Variants in DNPEP observed in about 807,000 individuals in gnomAD.
DNPEP encodes the protein aspartyl aminopeptidase.
A neutral mutation model predicts 59.1 loss-of-function variants in DNPEP; 46 were observed. The ratio of observed to expected loss-of-function variants is 0.78; its 90% CI spans 0.61 to 0.99. The LOEUF (loss-of-function observed/expected upper bound fraction) is 0.99, where lower values mean the gene tolerates loss of function less well. DNPEP is among the 50% of genes least tolerant of loss of function. The pLI is 0.00. For missense variants in DNPEP, 617 were observed against 649.9 expected (o/e 0.95, Z 0.55); for synonymous variants, 229 against 242.2 (o/e 0.95, Z 0.50).
At chr2:219,394,960 GTT>G (rs912982371) in intron 1 of DNPEP, among the ~76,000 whole-genome samples, 1 of 144,368 alleles carries the variant, frequency 6.9e-6, no homozygotes, top group Non-Finnish European at 1.5e-5. Context: ...ACAAGACAAG[GTT>G]TTTTTTTTTT....
chr2:219,388,006 C>T, upstream of DNPEP: 3 of 1,194,804 alleles, frequency 2.5e-6, no homozygotes, highest in Non-Finnish European at 3.3e-6. Context: ...AGCCCCGCCC[C>T]TCGGCGGGCT....
Position 219,382,023 on chromosome 2 carries a change from G to T in DNPEP, c.1053C>A (p.Phe351Leu), listed in dbSNP as rs1269844281. The T allele has an allele frequency of 6.2e-7, 1 of 1,614,206 alleles. No homozygotes were observed. The highest frequency in any genetic ancestry group is 8.5e-7 in the Non-Finnish European group (1 of 1,180,046). Residue 351 changes from phenylalanine to leucine, a missense_variant, in exon 11 of 15, where the codon TTC (phenylalanine) becomes TTA (leucine). Coordinates refer to ENST00000273075, the MANE Select transcript of DNPEP (RefSeq NM_012100.4). ...CATGGGCCATGTCTGCGCTGATCAT[G>T]AAGGACTTGGGTATGGCTTCCTCGA... ...TAFEEAIPKS[F>L]MISADMAHAV...
At chr2:219,385,020 C>G in intron 8 of DNPEP, 1 of 180,114 alleles carries the variant, frequency 5.6e-6, no homozygotes, top group Non-Finnish European at 1.2e-5. Flanking sequence ...AAAACAGAAA[C>G]TTAGTACGTG....
intron 13 of DNPEP, among the ~76,000 whole-genome samples, chr2:219,376,288 G>C (rs1192531412): frequency 6.6e-6 from 1 of 152,070 alleles, no homozygotes; most frequent in African/African-American, 2.4e-5. Context: ...AGGAGTTCAA[G>C]ACCAGCCTGG....
chr2:219,398,642 T>TC (rs773742632), intron 1 of DNPEP, among the ~76,000 whole-genome samples: 7 of 150,532 alleles, frequency 4.7e-5, no homozygotes, highest in Non-Finnish European at 7.4e-5. Flanking sequence ...AGAGCAAGAC[T>TC]CCATCTCAAA....
chr2:219,373,003 A>ACC lies in DNPEP; in HGVS notation c.*1287_*1288dup. 6.6e-6 allele frequency among the ~76,000 whole-genome samples: 1 copy of ACC among 152,236 alleles called. No homozygotes were observed. Among genetic ancestry groups the ACC allele is most frequent in the East Asian group, 1.9e-4 (1 of 5,186 alleles). ...TAGGTATCAAAAAGATTGGAAGGAC[A>ACC]CCAGTTTGCACAATTATTTTAGTGG... On this transcript the variant is annotated 3_prime_UTR_variant, in exon 15 of 15. Transcript: ENST00000273075.
intron 1 of DNPEP, 104 bp from the exon 2 acceptor site, chr2:219,387,267 A>C: frequency 4.0e-6 from 6 of 1,490,336 alleles, no homozygotes; most frequent in Non-Finnish European, 5.4e-6. Flanking sequence ...TGACCACTCT[A>C]AGGCACAGAC....
At chr2:219,399,738 G>T in intron 1 of DNPEP, 1 of 734,398 alleles carries the variant, frequency 1.4e-6, no homozygotes, top group Non-Finnish European at 2.3e-6. Context: ...CAGACTGAGA[G>T]CAGGGGACCC....
intron 4 of DNPEP, 43 bp downstream of exon 4, chr2:219,386,622 C>G: frequency 1.3e-6 from 2 of 1,564,912 alleles, no homozygotes; most frequent in South Asian, 2.3e-5. Context: ...CCTGTACTCC[C>G]TCTGACATCT....
At chr2:219,389,798 A>C (rs945520622), upstream of DNPEP, among the ~76,000 whole-genome samples, 2 of 77,538 alleles carry the variant, frequency 2.6e-5, no homozygotes, top group Admixed American at 1.5e-4. Context: ...GTGCCACTGC[A>C]CTCCAGCCTG....
chr2:219,399,936 T>C (rs1194740206), intron 1 of DNPEP: 7 of 1,549,972 alleles, frequency 4.5e-6, no homozygotes, highest in Non-Finnish European at 6.1e-6. Context: ...GGTGACCTGC[T>C]CACCTCCTCC....
intron 1 of DNPEP, among the ~76,000 whole-genome samples, chr2:219,394,654 C>T (rs1342771285): frequency 6.6e-6 from 1 of 152,122 alleles, no homozygotes; most frequent in Non-Finnish European, 1.5e-5. Context: ...TGCTAATGTC[C>T]AATCTCATGA....
chr2:219,386,316 G>C lies in DNPEP; in HGVS notation c.429C>G (p.Asp143Glu), dbSNP rs1399396828. ...CAATGACGCGTCCAGCCAGAGTCAG[G>C]TCACGGTCAAACCAGGTGCTCCAGA... is the stretch of plus-strand genomic sequence containing the variant. ...GGIWSTWFDR[D>E]LTLAGRVIVK... Residue 143 changes from aspartate to glutamate, a missense_variant, in exon 5 of 15, where the codon GAC becomes GAG. Coordinates refer to ENST00000273075, the MANE Select transcript of DNPEP (RefSeq NM_012100.4). The C allele has an allele frequency of 6.2e-7, 1 of 1,614,076 alleles. No homozygotes were observed. Among genetic ancestry groups the C allele is most frequent in the African/African-American group, 1.3e-5 (1 of 74,922 alleles).
At chr2:219,389,757 C>T (rs138291196), upstream of DNPEP, among the ~76,000 whole-genome samples, 16 of 151,168 alleles carry the variant, frequency 1.1e-4, no homozygotes, top group Admixed American at 3.3e-4. Flanking sequence ...CGCTTGAACC[C>T]GGGAGGTGGA....
Position 219,374,220 on chromosome 2 carries a change from C to T in DNPEP, c.*72G>A. ...CTGAGTGACAATCCACTTTAATAAT[C>T]CAGCTTCAGCTCAGCTGAGAACTTC... is the stretch of plus-strand genomic sequence containing the variant. On this transcript the variant is annotated 3_prime_UTR_variant, in exon 15 of 15. Coordinates refer to ENST00000273075, the MANE Select transcript of DNPEP (RefSeq NM_012100.4). The T allele has an allele frequency of 7.1e-7, 1 of 1,399,528 alleles. No individual in the cohort carries two copies. Among genetic ancestry groups the T allele is most frequent in the Non-Finnish European group, 1.0e-6 (1 of 986,558 alleles). 86.7% of individuals were successfully genotyped at this position (1,399,528 alleles called of 1,614,324 possible).
At chr2:219,390,926 A>G (rs1375679091), upstream of DNPEP, among the ~76,000 whole-genome samples, 1 of 152,236 alleles carries the variant, frequency 6.6e-6, no homozygotes, top group African/African-American at 2.4e-5. Flanking sequence ...CAAGTGTTGG[A>G]GAAGGCTTGG....
upstream of DNPEP, among the ~76,000 whole-genome samples, chr2:219,389,814 C>G (rs1039573530): frequency 5.0e-4 from 5 of 10,070 alleles, no homozygotes; most frequent in Non-Finnish European, 2.0e-3. Context: ...GCCTGGGCGA[C>G]AGAGTGAGAT....
rs1479834002 is a variant in DNPEP at position 219,381,582 on chromosome 2, T to C, written c.1100A>G (p.Asp367Gly). Residue 367 changes from aspartate (D) to glycine (G), a missense_variant and splice_region_variant, in exon 12 of 15, where the codon GAC (aspartate) becomes GGC (glycine). Physicochemically the swap from Asp to Gly is moderately conservative, Grantham distance 94 (BLOSUM62 -1). Coordinates refer to ENST00000273075, the MANE Select transcript of DNPEP (RefSeq NM_012100.4). ...AGGCCGGTGGTTCTCCTCATGCTTG[T>C]CCCTGTAAGAGACAGATAAGGGCCA... Reference protein sequence around the residue: ...MAHAVHPNYLDKHEENHRPLF... With the variant: ...MAHAVHPNYLGKHEENHRPLF... 2 of 1,613,986 alleles carry C rather than the reference T, an allele frequency of 1.2e-6. No homozygotes were observed. The highest frequency in any genetic ancestry group is 1.7e-6 in the Non-Finnish European group (2 of 1,179,988).
chr2:219,396,617 A>T (rs1288034054), intron 1 of DNPEP, among the ~76,000 whole-genome samples: 1 of 152,124 alleles, frequency 6.6e-6, no homozygotes, highest in Non-Finnish European at 1.5e-5. Context: ...GATAAGGAAT[A>T]ATCTTTTCAG....
Sources: gnomAD v4.1 joint callset for allele counts (sites outside exome capture counted in the v4.1 genomes callset) on GRCh38, gnomAD v4.1.1 for gene constraint, MANE v1.5 for transcripts, NCBI Gene and HGNC (gene_info 2026-07-23, HGNC 2026-07-21) for gene names.